The following CPED1 variants were observed in gnomAD, a reference collection of about 807,000 sequenced individuals.
CPED1 encodes cadherin like and PC-esterase domain containing 1.
A neutral mutation model predicts 128.2 loss-of-function variants in CPED1; 114 were observed. The observed-to-expected ratio is 0.89, with a 90% CI of 0.76 to 1.04. The LOEUF is 1.04. Ranked by LOEUF, CPED1 falls within the 50% of genes least tolerant of loss-of-function variation. CPED1 has a pLI of 0.00. For synonymous variants in CPED1, 462 were observed against 426.7 expected, an observed-to-expected ratio of 1.08 and a Z score of -1.02; for missense variants, 1,211 against 1,207.1, an observed-to-expected ratio of 1.00 and a Z score of -0.05.
intron 16 of CPED1, among the ~76,000 whole-genome samples, chr7:121,172,381 TG>T (rs1796666012): frequency 1.4e-5 from 2 of 147,896 alleles, no homozygotes; most frequent in African/African-American, 2.6e-5. Flanking sequence ...GAAATACTCT[TG>T]TTTTTTTTTT....
At chr7:121,228,400 T>A (rs1210220044) in intron 16 of CPED1, among the ~76,000 whole-genome samples, 1 of 151,722 alleles carries the variant, frequency 6.6e-6, no homozygotes, top group Admixed American at 6.6e-5. Flanking sequence ...TCGATATCAC[T>A]AATCATCAGA....
At chr7:121,047,034 C>A in intron 4 of CPED1, 41 bp downstream of exon 4, 1 of 1,194,872 alleles carries the variant, frequency 8.4e-7, no homozygotes, top group Non-Finnish European at 1.2e-6. Context: ...ATCAGCCCTA[C>A]AGATATTAAC....
intron 4 of CPED1, among the ~76,000 whole-genome samples, chr7:121,049,146 T>C (rs1485536364): frequency 1.3e-5 from 2 of 152,206 alleles, no homozygotes; most frequent in Non-Finnish European, 2.9e-5. Flanking sequence ...CTCATAAAGA[T>C]GTATCTGAAG....
In CPED1 at chr7:121,047,645, C is replaced by T. The variant is rs955839102; in HGVS notation, c.540+652C>T. Among the ~76,000 whole-genome samples the T allele has an allele frequency of 8.8e-4, 115 of 130,266 alleles. 4 individuals are homozygous for T. Among genetic ancestry groups the T allele is most frequent in the African/African-American group, 3.8e-3 (108 of 28,426 alleles). 85.5% of individuals were successfully genotyped at this position (130,266 alleles called of 152,430 possible). ...CTACAATTCGCCATCTAGATAGCAC[C>T]TTTCTTCTTCTTCTTCTTCTTCTTC... On this transcript the variant is annotated intron_variant, in intron 4 of 22. Coordinates refer to ENST00000310396, the MANE Select transcript of CPED1 (RefSeq NM_024913.5).
chr7:121,067,537 A>G (rs566339388), intron 5 of CPED1, among the ~76,000 whole-genome samples: 44 of 152,212 alleles, frequency 2.9e-4, no homozygotes, highest in African/African-American at 7.9e-4. Flanking sequence ...GCTTGGTTCC[A>G]AGTCTTTGCT....
intron 3 of CPED1, among the ~76,000 whole-genome samples, chr7:121,044,648 C>CTTTTTTTTTTTTTTTTT (rs35159862): frequency 0.011 from 744 of 69,358 alleles, 268 homozygotes; most frequent in East Asian, 0.021. Context: ...TGACTTTCTG[C>CTTTTTTTTTTTTTTTTT]TCTTTTTTTT....
chr7:121,291,173 G>A (rs983729780), intron 22 of CPED1, among the ~76,000 whole-genome samples: 1 of 152,098 alleles, frequency 6.6e-6, no homozygotes. Context: ...TATCTGTTTT[G>A]GTACCAGTAC....
chr7:121,085,585 C>G (rs1794404395), intron 5 of CPED1, among the ~76,000 whole-genome samples: 1 of 152,098 alleles, frequency 6.6e-6, no homozygotes, highest in South Asian at 2.1e-4. Context: ...TTTTTGTCAT[C>G]CTGGTATCCT....
intron 22 of CPED1, among the ~76,000 whole-genome samples, chr7:121,289,983 T>A (rs1792659734): frequency 6.6e-6 from 1 of 152,052 alleles, no homozygotes; most frequent in South Asian, 2.1e-4. Context: ...CAGGCCCCAG[T>A]GTGTGTTGTT....
In CPED1 at chr7:121,266,751, G is replaced by A. The variant is rs750211138; in HGVS notation, c.2576G>A (p.Gly859Asp). Reference sequence around the variant, plus strand: ...ACTGGCCAGACTGTATTGGTTGTTGGTGGTGTTCAGTGGCTTAATTCCAAT... The same window carrying A: ...ACTGGCCAGACTGTATTGGTTGTTGATGGTGTTCAGTGGCTTAATTCCAAT... ...ENTGQTVLVV[G>D]GVQWLNSNHL... The change falls in exon 20 of 23, where the codon GGT becomes GAT. Residue 859 changes from glycine (G) to aspartate (D), a missense_variant. Gly to Asp is a moderately conservative substitution (Grantham distance 94). Transcript: ENST00000310396. 3.7e-6 allele frequency: 6 copies of A among 1,612,980 alleles called. No individual in the cohort carries two copies. The highest frequency in any genetic ancestry group is 2.2e-5 in the East Asian group (1 of 44,826).
At chr7:121,193,037 A>G (rs1454671136) in intron 16 of CPED1, among the ~76,000 whole-genome samples, 2 of 152,174 alleles carry the variant, frequency 1.3e-5, no homozygotes, top group South Asian at 2.1e-4. Flanking sequence ...GACCAAGAGC[A>G]TATAGAACTC....
At chr7:120,997,259 T>C (rs1031092682) in intron 2 of CPED1, among the ~76,000 whole-genome samples, 1 of 152,232 alleles carries the variant, frequency 6.6e-6, no homozygotes, top group Non-Finnish European at 1.5e-5. Context: ...TGAAGGAACA[T>C]TAGAATGTTA....
intron 2 of CPED1, among the ~76,000 whole-genome samples, chr7:121,005,893 TC>T (rs1253018563): frequency 6.6e-6 from 1 of 152,192 alleles, no homozygotes; most frequent in Non-Finnish European, 1.5e-5. Flanking sequence ...GTGTCAGTGC[TC>T]ATTTACAGAT....
chr7:121,243,891 T>C (rs1225168936), intron 17 of CPED1, among the ~76,000 whole-genome samples: 1 of 152,232 alleles, frequency 6.6e-6, no homozygotes, highest in Non-Finnish European at 1.5e-5. Flanking sequence ...TTGGTCTTAC[T>C]GAAGTGTTCA....
At chr7:121,288,596 C>A (rs1403536107) in intron 22 of CPED1, among the ~76,000 whole-genome samples, 1 of 152,182 alleles carries the variant, frequency 6.6e-6, no homozygotes, top group Non-Finnish European at 1.5e-5. Context: ...TTTTGTATAT[C>A]CCATTTATGA....
intron 16 of CPED1, among the ~76,000 whole-genome samples, chr7:121,184,925 A>T (rs191505642): frequency 7.2e-5 from 11 of 152,272 alleles, no homozygotes; most frequent in Admixed American, 5.9e-4. Flanking sequence ...CTATGTCTGG[A>T]ACCATTTAAT....
chr7:121,150,022 G>C (rs1716919054), intron 16 of CPED1, among the ~76,000 whole-genome samples: 1 of 152,088 alleles, frequency 6.6e-6, no homozygotes, highest in Non-Finnish European at 1.5e-5. Context: ...GGTGAAAGAA[G>C]AGATCTTAGA....
intron 2 of CPED1, 89 bp from the exon 3 acceptor site, chr7:121,015,576 C>A: frequency 8.3e-7 from 1 of 1,198,466 alleles, no homozygotes; most frequent in African/African-American, 1.6e-5. Context: ...AGAATAACTT[C>A]CCAAATAGCC....
chr7:121,225,202 G>T (rs560040495), intron 16 of CPED1, among the ~76,000 whole-genome samples: 3 of 152,090 alleles, frequency 2.0e-5, no homozygotes, highest in African/African-American at 7.2e-5. Context: ...TTGCTTGTCT[G>T]TAAAGGATTT....
Sources: allele counts gnomAD v4.1 joint callset (sites outside exome capture counted in the v4.1 genomes callset), GRCh38; gene constraint gnomAD v4.1.1; transcripts MANE v1.5; gene names NCBI Gene and HGNC (gene_info 2026-07-23, HGNC 2026-07-21).